The following ZNF385D variants were observed in gnomAD, a reference collection of about 807,000 sequenced individuals.
ZNF385D encodes zinc finger protein 385D, also known as zinc finger protein 659.
A neutral mutation model predicts 35.8 loss-of-function variants in ZNF385D; 15 were observed. That is an observed-to-expected ratio of 0.42 (90% CI 0.28 to 0.64). The LOEUF is 0.64. ZNF385D is among the 30% of genes least tolerant of loss of function. The pLI is 0.23. For missense variants in ZNF385D, 474 were observed against 494.6 expected, an observed-to-expected ratio of 0.96 and a Z score of 0.39; for synonymous variants, 212 against 186.8, an observed-to-expected ratio of 1.13 and a Z score of -1.10.
chr3:22,100,611 A>T (rs1701881108), intron 3 of ZNF385D, among the ~76,000 whole-genome samples: 1 of 147,500 alleles, frequency 6.8e-6, no homozygotes, highest in South Asian at 2.2e-4. Context: ...ACATATTCTC[A>T]CTCATAGGTG....
chr3:22,131,299 T>C (rs1703768664), intron 3 of ZNF385D, among the ~76,000 whole-genome samples: 1 of 151,994 alleles, frequency 6.6e-6, no homozygotes, highest in Non-Finnish European at 1.5e-5. Flanking sequence ...CAGCATGAAG[T>C]CATTGGTGAC....
At chr3:22,015,538 A>G (rs1696831701) in intron 3 of ZNF385D, among the ~76,000 whole-genome samples, 1 of 151,710 alleles carries the variant, frequency 6.6e-6, no homozygotes, top group Non-Finnish European at 1.5e-5. Flanking sequence ...TCTCAATCCC[A>G]TTTCTGTCCA....
At chr3:21,636,849 T>TA (rs1192698499) in intron 2 of ZNF385D, among the ~76,000 whole-genome samples, 13 of 152,158 alleles carry the variant, frequency 8.5e-5, no homozygotes, top group Non-Finnish European at 1.6e-4. Flanking sequence ...TCCTGATCAT[T>TA]AGTGATGTTG....
chr3:22,341,414 G>A (rs1695415053), intron 2 of ZNF385D, among the ~76,000 whole-genome samples: 1 of 152,090 alleles, frequency 6.6e-6, no homozygotes, highest in African/African-American at 2.4e-5. Context: ...GGCCCAGAAT[G>A]CCTAAAATAC....
chr3:21,894,136 T>A (rs1350520060), intron 3 of ZNF385D, among the ~76,000 whole-genome samples: 1 of 152,168 alleles, frequency 6.6e-6, no homozygotes, highest in Non-Finnish European at 1.5e-5. Context: ...AAAACGTATT[T>A]TTAAATTGCA....
intron 3 of ZNF385D, among the ~76,000 whole-genome samples, chr3:21,911,885 C>T (rs1699980679): frequency 2.0e-5 from 3 of 151,388 alleles, no homozygotes; most frequent in African/African-American, 7.3e-5. Context: ...GTTAAATTTC[C>T]TAGAAGTCAT....
chr3:22,368,454 T>G (rs1219185903), intron 2 of ZNF385D, among the ~76,000 whole-genome samples: 1 of 152,190 alleles, frequency 6.6e-6, no homozygotes, highest in African/African-American at 2.4e-5. Flanking sequence ...AATCATGAGT[T>G]ATTCCAAAAT....
intron 3 of ZNF385D, among the ~76,000 whole-genome samples, chr3:21,875,628 C>T (rs118127949): frequency 1.3e-5 from 2 of 152,082 alleles, no homozygotes; most frequent in African/African-American, 4.8e-5. Flanking sequence ...ATTTGAGTCT[C>T]ATCTTTCCTT....
At chr3:22,334,021 A>G (rs1695054029) in intron 2 of ZNF385D, among the ~76,000 whole-genome samples, 1 of 152,152 alleles carries the variant, frequency 6.6e-6, no homozygotes, top group African/African-American at 2.4e-5. Context: ...AACTCTGCTT[A>G]TTTCATCTTA....
At chr3:21,560,993 C>A (rs2062924377) in intron 3 of ZNF385D, among the ~76,000 whole-genome samples, 1 of 152,138 alleles carries the variant, frequency 6.6e-6, no homozygotes, top group African/African-American at 2.4e-5. Context: ...GACACCCCTC[C>A]CCCAACCAAG....
intron 2 of ZNF385D, among the ~76,000 whole-genome samples, chr3:21,631,281 C>T (rs1436494451): frequency 6.6e-6 from 1 of 152,062 alleles, no homozygotes; most frequent in Admixed American, 6.6e-5. Flanking sequence ...TTCTCCTCTC[C>T]TACCCTTCCA....
intron 1 of ZNF385D, among the ~76,000 whole-genome samples, chr3:21,700,778 A>G (rs2067652773): frequency 6.6e-6 from 1 of 152,348 alleles, no homozygotes; most frequent in Non-Finnish European, 1.5e-5. Context: ...AGTGATATGT[A>G]TTAATGTTAA....
intron 1 of ZNF385D, among the ~76,000 whole-genome samples, chr3:21,686,416 G>T (rs1399346653): frequency 6.6e-6 from 1 of 152,148 alleles, no homozygotes; most frequent in African/African-American, 2.4e-5. Flanking sequence ...TGTATGAAAA[G>T]CATCAGTGTA....
chr3:21,527,969 C>T (rs1708329380), intron 3 of ZNF385D, among the ~76,000 whole-genome samples: 1 of 152,032 alleles, frequency 6.6e-6, no homozygotes, highest in Admixed American at 6.6e-5. Flanking sequence ...CATACTTTTC[C>T]TCCAAGTTGG....
chr3:21,593,304 A>G (rs937227068), intron 2 of ZNF385D, among the ~76,000 whole-genome samples: 3 of 152,144 alleles, frequency 2.0e-5, no homozygotes, highest in Non-Finnish European at 4.4e-5. Context: ...GACTGCCTTT[A>G]GCAGTTATTC....
At chr3:22,212,467 C>T (rs929255263) in intron 2 of ZNF385D, among the ~76,000 whole-genome samples, 4 of 152,024 alleles carry the variant, frequency 2.6e-5, no homozygotes, top group Non-Finnish European at 5.9e-5. Context: ...CAAAGTAATA[C>T]ATTGTTGACC....
intron 3 of ZNF385D, among the ~76,000 whole-genome samples, chr3:21,791,334 G>C (rs1231556442): frequency 6.6e-6 from 1 of 152,094 alleles, no homozygotes; most frequent in Non-Finnish European, 1.5e-5. Flanking sequence ...CTCAAAGTAA[G>C]AAACAAACAT....
intron 2 of ZNF385D, among the ~76,000 whole-genome samples, chr3:22,301,283 G>A (rs1315479199): frequency 2.0e-5 from 3 of 151,960 alleles, no homozygotes; most frequent in African/African-American, 7.2e-5. Flanking sequence ...TGGAGTTTGG[G>A]GTGGAGCCAA....
At chr3:21,873,494 A>T (rs1697802070) in intron 3 of ZNF385D, among the ~76,000 whole-genome samples, 7 of 152,128 alleles carry the variant, frequency 4.6e-5, no homozygotes, top group Admixed American at 4.6e-4. Flanking sequence ...GTAAAAACAC[A>T]TAACTTGATA....
Sources: allele counts gnomAD v4.1 joint callset (sites outside exome capture counted in the v4.1 genomes callset), GRCh38; gene constraint gnomAD v4.1.1; transcripts MANE v1.5; gene names NCBI Gene and HGNC (gene_info 2026-07-23, HGNC 2026-07-21).